Variants in SEMA3A observed in about 807,000 individuals in gnomAD.
SEMA3A encodes semaphorin 3A.
SEMA3A carries 29 observed loss-of-function variants against 97.9 expected under a neutral mutation model. The observed-to-expected ratio is 0.30, with a 90% confidence interval of 0.22 to 0.40. The LOEUF (loss-of-function observed/expected upper bound fraction) is 0.40. SEMA3A is among the 10% of genes least tolerant of loss of function. The pLI, the probability that SEMA3A is intolerant of heterozygous loss-of-function variation, is 1.00. For synonymous variants in SEMA3A, 321 were observed against 323.7 expected (o/e 0.99, Z 0.09); for missense variants, 763 against 951.3 (o/e 0.80, Z 2.60).
At chr7:84,021,989 A>G (rs867180689) in intron 6 of SEMA3A, among the ~76,000 whole-genome samples, 5 of 152,182 alleles carry the variant, frequency 3.3e-5, no homozygotes, top group Non-Finnish European at 5.9e-5. Context: ...AATTTTATGA[A>G]TGTTCTTTTT....
chr7:84,481,774 G>A (rs1806452769), intron 1 of SEMA3A, among the ~76,000 whole-genome samples: 1 of 151,850 alleles, frequency 6.6e-6, no homozygotes, highest in Non-Finnish European at 1.5e-5. Flanking sequence ...TCTATTTAAA[G>A]TGGAAGAAAT....
At chr7:84,034,203 C>G (rs1056563197) in intron 6 of SEMA3A, among the ~76,000 whole-genome samples, 2 of 152,016 alleles carry the variant, frequency 1.3e-5, no homozygotes, top group Non-Finnish European at 2.9e-5. Context: ...AGGCTGGTCT[C>G]GAACTACTGA....
intron 14 of SEMA3A, 121 bp from the exon 15 acceptor site, chr7:83,977,317 G>C (rs1188463949): frequency 4.6e-6 from 2 of 430,384 alleles, no homozygotes; most frequent in Non-Finnish European, 7.9e-6. Context: ...GTAACTTACA[G>C]GAACAGATGA....
chr7:84,035,797 T>G (rs1276150383), intron 6 of SEMA3A, among the ~76,000 whole-genome samples: 1 of 152,016 alleles, frequency 6.6e-6, no homozygotes, highest in Non-Finnish European at 1.5e-5. Context: ...TAAACACCAA[T>G]CTACTTTTCA....
intron 3 of SEMA3A, among the ~76,000 whole-genome samples, chr7:84,219,029 C>G (rs56345939): frequency 0.071 from 10,858 of 152,066 alleles, 540 homozygotes; most frequent in Non-Finnish European, 0.084. Flanking sequence ...ACTCACTACT[C>G]CTCTCAAGGA....
At chr7:84,129,277 G>T (rs1584008218) in intron 2 of SEMA3A, 92 bp from the exon 3 acceptor site, 1 of 1,026,468 alleles carries the variant, frequency 9.7e-7, no homozygotes, top group Non-Finnish European at 1.5e-6. Flanking sequence ...TGGGGCAACT[G>T]AAGTAAAGAA....
chr7:84,125,601 C>G (rs936125906), intron 3 of SEMA3A, among the ~76,000 whole-genome samples: 1 of 152,266 alleles, frequency 6.6e-6, no homozygotes, highest in East Asian at 1.9e-4. Flanking sequence ...TTAAATTATC[C>G]TCCACAGGGC....
intron 12 of SEMA3A, among the ~76,000 whole-genome samples, chr7:83,987,421 CAGCCCCA>C (rs1191053669): frequency 1.3e-5 from 2 of 152,158 alleles, no homozygotes; most frequent in East Asian, 3.9e-4. Context: ...CAATCTCCCA[CAGCCCCA>C]GCTGTGACTC....
chr7:84,099,859 T>A (rs1479035628), intron 4 of SEMA3A, among the ~76,000 whole-genome samples: 1 of 152,154 alleles, frequency 6.6e-6, no homozygotes. Context: ...GTTATGTATA[T>A]GTCTATTAAT....
intron 13 of SEMA3A, 74 bp from the exon 14 acceptor site, chr7:83,981,552 T>C: frequency 8.1e-7 from 1 of 1,230,954 alleles, no homozygotes; most frequent in Non-Finnish European, 1.1e-6. Flanking sequence ...AAAAAGAGTT[T>C]ATTTATATAT....
chr7:84,040,704 A>C (rs928663833), intron 6 of SEMA3A, among the ~76,000 whole-genome samples: 7 of 152,018 alleles, frequency 4.6e-5, no homozygotes, highest in Admixed American at 2.6e-4. Flanking sequence ...TCAGCAGTAA[A>C]TCCCTATTGA....
chr7:83,965,773 C>T (rs1434651943), intron 15 of SEMA3A, among the ~76,000 whole-genome samples: 11 of 141,136 alleles, frequency 7.8e-5, no homozygotes, highest in African/African-American at 1.6e-4. Context: ...CTCCGCCTCC[C>T]GGGTTCATGC....
chr7:84,275,231 C>T (rs1174600717), intron 3 of SEMA3A, among the ~76,000 whole-genome samples: 1 of 151,958 alleles, frequency 6.6e-6, no homozygotes, highest in African/African-American at 2.4e-5. Flanking sequence ...ATCCACTTAC[C>T]AGACATAGAT....
chr7:84,173,335 C>T (rs575419227), intron 1 of SEMA3A, among the ~76,000 whole-genome samples: 69 of 152,082 alleles, frequency 4.5e-4, no homozygotes, highest in Admixed American at 3.2e-3. Flanking sequence ...GCGGGTGAAT[C>T]ACCTGAGATC....
intron 2 of SEMA3A, among the ~76,000 whole-genome samples, chr7:84,339,481 T>C (rs71558725): frequency 0.014 from 2,070 of 152,318 alleles, 27 homozygotes; most frequent in Non-Finnish European, 0.022. Flanking sequence ...TTGGAAGCTA[T>C]ATCAGGAACG....
chr7:84,308,404 C>T (rs960956440), intron 2 of SEMA3A, among the ~76,000 whole-genome samples: 1 of 152,076 alleles, frequency 6.6e-6, no homozygotes, highest in South Asian at 2.1e-4. Context: ...ACCAAACATC[C>T]CTTGGATACA....
upstream of SEMA3A, among the ~76,000 whole-genome samples, chr7:84,198,235 G>A (rs1047769069): frequency 1.2e-4 from 18 of 146,926 alleles, no homozygotes; most frequent in African/African-American, 4.5e-4. Context: ...TGCTCTTGTT[G>A]CCCAGGCTGG....
chr7:84,347,410 C>CTTT (rs549082504), intron 2 of SEMA3A, among the ~76,000 whole-genome samples: 6 of 136,506 alleles, frequency 4.4e-5, no homozygotes, highest in Non-Finnish European at 6.3e-5. Context: ...TTCTTCAAAC[C>CTTT]TTTTTTTTTT....
intron 12 of SEMA3A, among the ~76,000 whole-genome samples, chr7:84,000,158 C>T (rs1315903044): frequency 6.6e-6 from 1 of 152,048 alleles, no homozygotes; most frequent in African/African-American, 2.4e-5. Context: ...CATACATACT[C>T]TATAGTGGCC....
Sources: allele counts gnomAD v4.1 joint callset (sites outside exome capture counted in the v4.1 genomes callset), GRCh38; gene constraint gnomAD v4.1.1; transcripts MANE v1.5; gene names NCBI Gene and HGNC (gene_info 2026-07-23, HGNC 2026-07-21).